Variants in MAP3K7 observed in about 807,000 individuals in gnomAD.
MAP3K7 encodes the protein mitogen-activated protein kinase kinase kinase 7, also known as TGF-beta activated kinase 1.
In MAP3K7, 21 loss-of-function variants were observed where a neutral mutation model predicts 84.8. The ratio of observed to expected loss-of-function variants is 0.25; its 90% CI spans 0.18 to 0.36. The LOEUF (loss-of-function observed/expected upper bound fraction) is 0.36. Ranked by LOEUF, MAP3K7 falls within the 10% of genes least tolerant of loss-of-function variation. The pLI, the probability that MAP3K7 is intolerant of heterozygous loss-of-function variation, is 1.00. For missense variants in MAP3K7, 503 were observed against 747.7 expected, an observed-to-expected ratio of 0.67 and a Z score of 3.82; for synonymous variants, 241 against 247.7, an observed-to-expected ratio of 0.97 and a Z score of 0.25.
At chr6:90,577,878 A>T (rs941547516) in intron 1 of MAP3K7, among the ~76,000 whole-genome samples, 4 of 152,210 alleles carry the variant, frequency 2.6e-5, no homozygotes, top group African/African-American at 9.7e-5. Context: ...AGGCTAATCC[A>T]TTAACAACAG....
rs901257799 is a variant in MAP3K7, at chr6:90,516,269, G to A, written c.*232C>T. Reference sequence around the variant, plus strand: ...ACTGCATCTGTTTTGAAGTTGCAAAGTGCTGCTCATTCAAGTCACAGATGC... The same window carrying A: ...ACTGCATCTGTTTTGAAGTTGCAAAATGCTGCTCATTCAAGTCACAGATGC... On this transcript the variant is annotated 3_prime_UTR_variant, in exon 17 of 17. Transcript: ENST00000369329. 6.5e-5 allele frequency: 36 copies of A among 556,776 alleles called. No individual in the cohort carries two copies. The Admixed American group carries it at 8.0e-4, about 12-fold the overall frequency. 34.5% of individuals were successfully genotyped at this position (556,776 alleles called of 1,614,324 possible).
intron 11 of MAP3K7, among the ~76,000 whole-genome samples, chr6:90,545,899 A>G (rs1775986898): frequency 6.6e-6 from 1 of 152,134 alleles, no homozygotes; most frequent in East Asian, 1.9e-4. Context: ...TGTTCCTTCA[A>G]AGAACTTGGA....
intron 9 of MAP3K7, among the ~76,000 whole-genome samples, chr6:90,548,410 AG>A: frequency 6.6e-6 from 1 of 152,202 alleles, no homozygotes; most frequent in East Asian, 1.9e-4. Flanking sequence ...GAATAACTTA[AG>A]GTTTTTAACC....
At chr6:90,549,265 G>C (rs757971196) in intron 9 of MAP3K7, among the ~76,000 whole-genome samples, 4 of 152,184 alleles carry the variant, frequency 2.6e-5, no homozygotes, top group Non-Finnish European at 5.9e-5. Flanking sequence ...GAGCAAACAA[G>C]ATCAGCTGAG....
At position 90,552,114 on chromosome 6, in the gene MAP3K7, A is replaced by G. The variant is rs1478218204; in HGVS notation, c.802T>C (p.Ser268Pro). 1 of 1,613,306 alleles carries G rather than the reference A, an allele frequency of 6.2e-7. No individual in the cohort carries two copies. Among genetic ancestry groups the G allele is most frequent in the South Asian group, 1.1e-5 (1 of 91,014 alleles). ...GAAGGGCGCTGGGAAGGATCTTTAG[A>G]CCAACAACGAGTCATCAGGCTCTCA... ...PIESLMTRCW[S>P]KDPSQRPSME... The change falls in exon 8 of 17, where the codon TCT becomes CCT. Residue 268 changes from serine (S) to proline (P), a missense_variant. Coordinates refer to ENST00000369329, the MANE Select transcript of MAP3K7 (RefSeq NM_145331.3).
intron 13 of MAP3K7, among the ~76,000 whole-genome samples, chr6:90,527,270 CT>C (rs990290061): frequency 2.2e-4 from 32 of 147,766 alleles, no homozygotes; most frequent in Admixed American, 3.4e-4. Flanking sequence ...TTCTTTCTTT[CT>C]TTTTTTTTTG....
intron 11 of MAP3K7, among the ~76,000 whole-genome samples, chr6:90,546,289 A>C (rs1277139376): frequency 6.6e-6 from 1 of 152,144 alleles, no homozygotes; most frequent in Non-Finnish European, 1.5e-5. Flanking sequence ...TATTCTATTT[A>C]GAAAAAAACC....
intron 13 of MAP3K7, among the ~76,000 whole-genome samples, chr6:90,529,048 T>C (rs149338882): frequency 1.2e-3 from 181 of 152,328 alleles, no homozygotes; most frequent in Non-Finnish European, 1.9e-3. Context: ...TGGTTGTTTG[T>C]GTACAAGGCC....
chr6:90,560,499 C>T (rs1776475511), intron 4 of MAP3K7, among the ~76,000 whole-genome samples: 1 of 152,106 alleles, frequency 6.6e-6, no homozygotes, highest in African/African-American at 2.4e-5. Context: ...GTAGCTGGGA[C>T]TACAGGCGTG....
In MAP3K7 at chr6:90,558,039, T is replaced by C. The variant is rs34005332; in HGVS notation, c.483-1415A>G. On this transcript the variant is annotated intron_variant, in intron 5 of 16. Coordinates refer to ENST00000369329, the MANE Select transcript of MAP3K7 (RefSeq NM_145331.3). ...CACTGACAATAAGATATAGCAGGTATTGGCCGGGTGCAGTGGCTCAGGCCT... is the reference window on the plus strand; with the variant it reads ...CACTGACAATAAGATATAGCAGGTACTGGCCGGGTGCAGTGGCTCAGGCCT... 1.9e-3 allele frequency among the ~76,000 whole-genome samples: 287 copies of C among 152,098 alleles called. 2 individuals carry two copies. The Middle Eastern group carries it at 0.024, about 13-fold the overall frequency.
chr6:90,514,766 C>G lies in MAP3K7; in HGVS notation c.*1735G>C, dbSNP rs1176456522. 1 of 151,884 alleles carries G rather than the reference C, an allele frequency of 6.6e-6. No homozygotes were observed. Among genetic ancestry groups the G allele is most frequent in the African/African-American group, 2.4e-5 (1 of 41,386 alleles). 9.4% of individuals were successfully genotyped at this position (151,884 alleles called of 1,614,324 possible). On this transcript the variant is annotated 3_prime_UTR_variant, in exon 17 of 17. Coordinates refer to ENST00000369329, the MANE Select transcript of MAP3K7 (RefSeq NM_145331.3). ...ATGCTATGGAGGAGTCATGCTTTAT[C>G]CTAGTCTACAGTTATTTTCTCTGCC...
At chr6:90,580,222 A>G (rs1777223662) in intron 1 of MAP3K7, among the ~76,000 whole-genome samples, 1 of 152,200 alleles carries the variant, frequency 6.6e-6, no homozygotes, top group Non-Finnish European at 1.5e-5. Context: ...AAACTACAGA[A>G]AGCAAATTTG....
intron 1 of MAP3K7, among the ~76,000 whole-genome samples, chr6:90,574,776 C>T (rs959501643): frequency 1.3e-5 from 2 of 152,154 alleles, no homozygotes; most frequent in African/African-American, 4.8e-5. Flanking sequence ...TGATTCTGAG[C>T]TTTCAACTTA....
chr6:90,543,107 G>A (rs1431793161), intron 12 of MAP3K7, among the ~76,000 whole-genome samples: 1 of 151,946 alleles, frequency 6.6e-6, no homozygotes, highest in Non-Finnish European at 1.5e-5. Flanking sequence ...AAGTTTAAAT[G>A]CTTCCACCTC....
At chr6:90,581,025 A>G (rs1777252775) in intron 1 of MAP3K7, among the ~76,000 whole-genome samples, 1 of 152,214 alleles carries the variant, frequency 6.6e-6, no homozygotes, top group Non-Finnish European at 1.5e-5. Flanking sequence ...GAGATGGTAT[A>G]TAGAACATTT....
intron 13 of MAP3K7, among the ~76,000 whole-genome samples, chr6:90,526,288 A>G (rs1033704472): frequency 2.0e-5 from 3 of 152,336 alleles, no homozygotes; most frequent in African/African-American, 7.2e-5. Flanking sequence ...CAAATGAAGA[A>G]TACACATTCT....
rs1777020145 is a variant in MAP3K7 at position 90,574,828 on chromosome 6, A to T, written c.121-3021T>A. On this transcript the variant is annotated intron_variant, in intron 1 of 16. Coordinates refer to ENST00000369329, the MANE Select transcript of MAP3K7 (RefSeq NM_145331.3). Reference sequence around the variant, plus strand: ...ATGTGGTCAAATGAGGACATGAAAAACTTTCTCCTTTTTGCTCAAGAAAGC... The same window carrying T: ...ATGTGGTCAAATGAGGACATGAAAATCTTTCTCCTTTTTGCTCAAGAAAGC... Among the ~76,000 whole-genome samples, 6 of 152,190 alleles carry T rather than the reference A, an allele frequency of 3.9e-5. 1 individual carries two copies. The South Asian group carries it at 1.2e-3, about 32-fold the overall frequency.
intron 10 of MAP3K7, 123 bp downstream of exon 10, chr6:90,547,924 G>T: frequency 1.3e-6 from 1 of 746,882 alleles, no homozygotes; most frequent in Non-Finnish European, 2.0e-6. Context: ...AAGCTCTTTT[G>T]CATGTTTCAG....
intron 16 of MAP3K7, among the ~76,000 whole-genome samples, chr6:90,517,609 T>C (rs1042856379): frequency 6.6e-6 from 1 of 151,854 alleles, no homozygotes; most frequent in African/African-American, 2.4e-5. Flanking sequence ...TAATTACTTC[T>C]ACGATTTCCA....
Sources: allele counts gnomAD v4.1 joint callset (sites outside exome capture counted in the v4.1 genomes callset), GRCh38; gene constraint gnomAD v4.1.1; transcripts MANE v1.5; gene names NCBI Gene and HGNC (gene_info 2026-07-23, HGNC 2026-07-21).